The following MYH13 variants were observed in gnomAD, a reference collection of about 807,000 sequenced individuals.
MYH13 encodes myosin heavy chain 13.
A neutral mutation model predicts 232.1 loss-of-function variants in MYH13; 177 were observed. The ratio of observed to expected loss-of-function variants is 0.76; its 90% CI spans 0.67 to 0.86. The LOEUF (loss-of-function observed/expected upper bound fraction) is 0.86, where lower values mean the gene tolerates loss of function less well. Ranked by LOEUF, MYH13 falls within the 40% of genes least tolerant of loss-of-function variation. MYH13 has a pLI of 0.00. For missense variants in MYH13, 2,246 were observed against 2,405.9 expected (o/e 0.93, Z 1.39); for synonymous variants, 884 against 923.5 (o/e 0.96, Z 0.78).
chr17:10,305,803 A>G (rs1906259391), intron 37 of MYH13, among the ~76,000 whole-genome samples: 1 of 152,232 alleles, frequency 6.6e-6, no homozygotes, highest in African/African-American at 2.4e-5. Context: ...ACTGCAGGAT[A>G]CGCTCCCAGA....
rs1321329920 is a variant in MYH13 at position 10,311,948 on chromosome 17, C to T, written c.4494G>A (p.Gln1498=). 6.2e-7 allele frequency: 1 copy of T among 1,614,026 alleles called. No homozygotes were observed. The highest frequency in any genetic ancestry group is 8.5e-7 in the Non-Finnish European group (1 of 1,179,900). Reference sequence around the variant, plus strand: ...TGTTCTCTCGCCTCAGTGTCTCTAACTGGTCCACCACCTCCTCATAGGCAT... The same window carrying T: ...TGTTCTCTCGCCTCAGTGTCTCTAATTGGTCCACCACCTCCTCATAGGCAT... The part of the protein sequence containing the change: ...MRNAYEEVVD[Q]LETLRRENKN... Residue 1498 remains glutamine, a synonymous_variant, in exon 32 of 41, where the codon CAG becomes CAA. Coordinates refer to ENST00000252172, the MANE Select transcript of MYH13 (RefSeq NM_003802.3).
intron 18 of MYH13, among the ~76,000 whole-genome samples, chr17:10,333,877 C>G (rs1332337734): frequency 6.6e-6 from 1 of 150,944 alleles, no homozygotes; most frequent in Non-Finnish European, 1.5e-5. Context: ...CACTGCACTC[C>G]AGTCTAGGCA....
At chr17:10,330,883 G>A in intron 20 of MYH13, among the ~76,000 whole-genome samples, 1 of 152,036 alleles carries the variant, frequency 6.6e-6, no homozygotes, top group East Asian at 1.9e-4. Context: ...CGGGCGTGGT[G>A]GTGGGGACCT....
Position 10,320,362 on chromosome 17 carries a change from C to G in MYH13, c.3246G>C (p.Glu1082Asp). ...DLENDKQQIE[E>D]KLKKKEFELS... Reference sequence around the variant, plus strand: ...AAAGAAATATCTACTTTTTCAATTTCTCTTCTATTTGCTGCTTGTCATTTT... The same window carrying G: ...AAAGAAATATCTACTTTTTCAATTTGTCTTCTATTTGCTGCTTGTCATTTT... Residue 1082 changes from glutamate (E) to aspartate (D), a missense_variant, in exon 25 of 41, where the codon GAG becomes GAC. Physicochemically the swap from Glu to Asp is conservative, Grantham distance 45 (BLOSUM62 2). Coordinates refer to ENST00000252172, the MANE Select transcript of MYH13 (RefSeq NM_003802.3). 1 of 1,610,998 alleles carries G rather than the reference C, an allele frequency of 6.2e-7. No individual in the cohort carries two copies. The highest frequency in any genetic ancestry group is 2.2e-5 in the East Asian group (1 of 44,864).
At chr17:10,312,812 G>A in intron 30 of MYH13, 55 bp from the exon 31 acceptor site, 1 of 1,532,754 alleles carries the variant, frequency 6.5e-7, no homozygotes, top group South Asian at 1.3e-5. Flanking sequence ...ATTTCAGTAG[G>A]TAACTGTCAG....
At chr17:10,320,275 T>C in intron 25 of MYH13, 32 bp from the exon 26 acceptor site, 1 of 1,599,062 alleles carries the variant, frequency 6.3e-7, no homozygotes, top group African/African-American at 1.3e-5. Context: ...ATAAAGAACA[T>C]GAAATACAAG....
chr17:10,347,034 G>A (rs981934805), intron 12 of MYH13, among the ~76,000 whole-genome samples: 6 of 152,214 alleles, frequency 3.9e-5, no homozygotes, highest in South Asian at 2.1e-4. Flanking sequence ...AAGATACTCC[G>A]TGGCCAATTT....
chr17:10,309,743 CA>C lies in MYH13; in HGVS notation c.4743del (p.Ile1581MetfsTer10). The C allele has an allele frequency of 6.2e-7, 1 of 1,602,504 alleles. No homozygotes were observed. Among genetic ancestry groups the C allele is most frequent in the African/African-American group, 1.3e-5 (1 of 74,888 alleles). On this transcript the variant is annotated frameshift_variant, in exon 34 of 41. Transcript: ENST00000252172. LOFTEE classifies it high-confidence loss of function. ...AGCTGCTCGATTTCTTCATCCTTCT[CA>C]ATGACCTTGCGGTCTAGCTCGGATT... ...QVKSELDRKV[I>X]EKDEEIEQLK...
rs542897872 is a variant in MYH13, at chr17:10,315,380, C to A, written c.3984+313G>T. ...TGATCTCAGCTCACTGCCACCTCCG[C>A]CCCCTGGGTTCAAGGAATTGTCTGC... is the stretch of plus-strand genomic sequence containing the variant. On this transcript the variant is annotated intron_variant, in intron 29 of 40. Coordinates refer to ENST00000252172, the MANE Select transcript of MYH13 (RefSeq NM_003802.3). 3.3e-3 allele frequency among the ~76,000 whole-genome samples: 507 copies of A among 152,314 alleles called. 5 individuals carry two copies. The highest frequency in any genetic ancestry group is 0.011 in the African/African-American group (458 of 41,556).
rs1187594808 is a variant in MYH13, at chr17:10,357,786, C to CA, written c.686dup (p.Glu230GlyfsTer12). On this transcript the variant is annotated frameshift_variant, in exon 8 of 41. Coordinates refer to ENST00000252172, the MANE Select transcript of MYH13 (RefSeq NM_003802.3). LOFTEE classifies it high-confidence loss of function. ...CAGTCTTGGCATTTCCAAAGGCCTC[C>CA]AGCAGTGGGTTGGCCTGGATGATCT... 5.0e-6 allele frequency: 8 copies of CA among 1,613,862 alleles called. No individual in the cohort carries two copies. The highest frequency in any genetic ancestry group is 5.9e-6 in the Non-Finnish European group (7 of 1,179,928).
At chr17:10,330,102 C>G (rs1181266535) in intron 21 of MYH13, among the ~76,000 whole-genome samples, 1 of 152,126 alleles carries the variant, frequency 6.6e-6, no homozygotes, top group Non-Finnish European at 1.5e-5. Context: ...TGCCAGTTCC[C>G]TATCCCCCGA....
In MYH13 at chr17:10,309,414, G is replaced by A. The variant is rs903650408; in HGVS notation, c.4989C>T (p.Asp1663=). 3.9e-5 allele frequency: 63 copies of A among 1,606,276 alleles called. No homozygotes were observed. The highest frequency in any genetic ancestry group is 5.2e-5 in the Non-Finnish European group (61 of 1,176,214). ...QLKDSQLHLD[D]ALRSNEDLKE... ...TGAGGTCCTCATTGCTCCTCAGGGC[G>A]TCATCGAGATGCAGCTGGGAGTCCT... is the stretch of plus-strand genomic sequence containing the variant. The change falls in exon 35 of 41, where the codon GAC becomes GAT. Residue 1663 remains aspartate (D), a synonymous_variant. Coordinates refer to ENST00000252172, the MANE Select transcript of MYH13 (RefSeq NM_003802.3).
intron 11 of MYH13, among the ~76,000 whole-genome samples, chr17:10,352,774 A>C (rs2071720215): frequency 6.6e-6 from 1 of 152,138 alleles, no homozygotes; most frequent in Non-Finnish European, 1.5e-5. Context: ...TTCTGTGCTT[A>C]CAAGTTAGTG....
intron 1 of MYH13, among the ~76,000 whole-genome samples, chr17:10,372,186 T>C (rs1393692873): frequency 6.6e-6 from 1 of 152,220 alleles, no homozygotes; most frequent in Middle Eastern, 3.2e-3. Context: ...TTACATACTA[T>C]ATTCTGAATC....
intron 27 of MYH13, among the ~76,000 whole-genome samples, chr17:10,318,152 G>T (rs1294123931): frequency 1.3e-5 from 2 of 152,242 alleles, no homozygotes; most frequent in African/African-American, 4.8e-5. Context: ...TGAGGCAGGA[G>T]AATTGCTTGA....
intron 2 of MYH13, among the ~76,000 whole-genome samples, chr17:10,369,942 C>T (rs2071866113): frequency 6.6e-6 from 1 of 152,238 alleles, no homozygotes; most frequent in Non-Finnish European, 1.5e-5. Flanking sequence ...TACGTGACAA[C>T]TCTTCACCCT....
At chr17:10,305,509 G>A (rs182649581) in intron 37 of MYH13, among the ~76,000 whole-genome samples, 31 of 152,188 alleles carry the variant, frequency 2.0e-4, no homozygotes, top group Admixed American at 3.3e-4. Context: ...GGATATCCTC[G>A]GGTGGTTTGC....
chr17:10,349,644 T>C (rs892280621), intron 12 of MYH13, among the ~76,000 whole-genome samples: 7 of 151,970 alleles, frequency 4.6e-5, no homozygotes, highest in African/African-American at 1.7e-4. Context: ...TTGAGTGCAG[T>C]GGAACCTGTA....
rs754314075 is a variant in MYH13 at position 10,330,504 on chromosome 17, A to G, written c.2318T>C (p.Leu773Pro). 1.2e-6 allele frequency: 2 copies of G among 1,610,766 alleles called. No individual in the cohort carries two copies. Among genetic ancestry groups the G allele is most frequent in the Non-Finnish European group, 1.7e-6 (2 of 1,179,148 alleles). ...GNTKVFFKAGLLGLLEEMRDE... is the reference protein window; with the variant it reads ...GNTKVFFKAGPLGLLEEMRDE... Reference sequence around the variant, plus strand: ...TCTCATCTCCTCCAAAAGTCCCAGGAGCCCAGCTTTGAAAAACACCTGCAT... The same window carrying G: ...TCTCATCTCCTCCAAAAGTCCCAGGGGCCCAGCTTTGAAAAACACCTGCAT... Residue 773 changes from leucine to proline, a missense_variant, in exon 21 of 41, where the codon CTC becomes CCC. By Grantham distance (98) the Leu-to-Pro change is moderately conservative (BLOSUM62 -3). Coordinates refer to ENST00000252172, the MANE Select transcript of MYH13 (RefSeq NM_003802.3).
Sources: allele counts gnomAD v4.1 joint callset (sites outside exome capture counted in the v4.1 genomes callset), GRCh38; gene constraint gnomAD v4.1.1; transcripts MANE v1.5; gene names NCBI Gene and HGNC (gene_info 2026-07-23, HGNC 2026-07-21).